LRP10: variants seen among roughly 807,000 people sequenced by gnomAD.
LRP10 encodes the protein LDL receptor related protein 10.
Under a neutral mutation model 58.5 loss-of-function variants are expected in LRP10, and 42 were observed. The observed-to-expected ratio is 0.72, with a 90% CI of 0.56 to 0.93. The LOEUF is 0.93. Ranked by LOEUF, LRP10 falls within the 40% of genes least tolerant of loss-of-function variation. The pLI is 0.00. For missense variants in LRP10, 872 were observed against 940.1 expected (o/e 0.93, Z 0.95); for synonymous variants, 377 against 388.5 (o/e 0.97, Z 0.35).
rs2039991930 is a variant in LRP10, at chr14:22,875,426, G to A, written c.478G>A (p.Asp160Asn). 1.9e-6 allele frequency: 3 copies of A among 1,614,084 alleles called. No homozygotes were observed. Among genetic ancestry groups the A allele is most frequent in the African/African-American group, 1.3e-5 (1 of 74,932 alleles). Reference protein sequence around the residue: ...HRCVSAVQRCDGVDACGDGSD... With the variant: ...HRCVSAVQRCNGVDACGDGSD... ...CTGTGTATCTGCTGTCCAGCGCTGTGATGGGGTTGATGCCTGTGGCGATGG... is the reference window on the plus strand; with the variant it reads ...CTGTGTATCTGCTGTCCAGCGCTGTAATGGGGTTGATGCCTGTGGCGATGG... Residue 160 changes from aspartate (D) to asparagine (N), a missense_variant, in exon 5 of 7, where the codon GAT (aspartate) becomes AAT (asparagine). Physicochemically the swap from Asp to Asn is conservative, Grantham distance 23. Coordinates refer to ENST00000359591, the MANE Select transcript of LRP10 (RefSeq NM_014045.5).
At position 22,876,713 on chromosome 14, in the gene LRP10, G is replaced by A; in HGVS notation, c.1449G>A (p.Met483Ile). The part of the protein sequence containing the change: ...EYSIFAPLSR[M>I]EAEIVQQQAP... ...GCATCTTTGCCCCCCTCTCCCGGAT[G>A]GAGGCTGAGATTGTGCAGCAGCAGG... The change falls in exon 6 of 7, where the codon ATG becomes ATA. Residue 483 changes from methionine to isoleucine, a missense_variant. Coordinates refer to ENST00000359591, the MANE Select transcript of LRP10 (RefSeq NM_014045.5). 1.2e-6 allele frequency: 2 copies of A among 1,613,928 alleles called. No homozygotes were observed. Among genetic ancestry groups the A allele is most frequent in the African/African-American group, 1.3e-5 (1 of 75,018 alleles).
chr14:22,874,982 G>A, intron 3 of LRP10, 73 bp from the exon 4 acceptor site: 3 of 1,158,746 alleles, frequency 2.6e-6, no homozygotes, highest in Non-Finnish European at 3.5e-6. Context: ...CAAGGGGCCT[G>A]GTGGCACCAG....
Position 22,877,650 on chromosome 14 carries a change from T to A in LRP10, c.*123T>A. ...TTCCCTGTCCCTGGATTTCAGGGAC[T>A]TGGTGGGCCTCCCGTTGACCCTATG... On this transcript the variant is annotated 3_prime_UTR_variant, in exon 7 of 7. Transcript: ENST00000359591. The surrounding 1 kb of genome is among the most constrained non-coding windows in gnomAD (Gnocchi z 5.1). 4 of 712,320 alleles carry A rather than the reference T, an allele frequency of 5.6e-6. No individual in the cohort carries two copies. The highest frequency in any genetic ancestry group is 9.0e-6 in the Non-Finnish European group (4 of 446,900). 44.1% of individuals were successfully genotyped at this position (712,320 alleles called of 1,614,324 possible).
Position 22,877,745 on chromosome 14 carries a change from TG to T in LRP10, c.*220del. 1 of 466,654 alleles carries T rather than the reference TG, an allele frequency of 2.1e-6. No individual in the cohort carries two copies. The highest frequency in any genetic ancestry group is 3.8e-6 in the Non-Finnish European group (1 of 265,222). The allele number at this position is 466,654 out of a possible 1,614,324, so 28.9% of individuals were successfully genotyped here. A position where few individuals can be genotyped will look rare whatever the true frequency, so the allele number is the denominator to read the frequency against. On this transcript the variant is annotated 3_prime_UTR_variant, in exon 7 of 7. Transcript: ENST00000359591. The surrounding 1 kb of genome is among the most constrained non-coding windows in gnomAD (Gnocchi z 5.1). The stretch of plus-strand genomic sequence containing the variant: ...ACAGAGTCTCCTCTGTACGTGGCCA[TG>T]GCCAGACACCCCAGTCCCTTCACCA...
rs559532464 is a variant in LRP10 at position 22,875,965 on chromosome 14, C to T, written c.1017C>T (p.Asp339=). The T allele has an allele frequency of 3.0e-5, 49 of 1,613,572 alleles. No homozygotes were observed. The highest frequency in any genetic ancestry group is 6.7e-5 in the Admixed American group (4 of 60,034). The change falls in exon 5 of 7, where the codon GAC becomes GAT. Residue 339 remains aspartate (D), a synonymous_variant. Coordinates refer to ENST00000359591, the MANE Select transcript of LRP10 (RefSeq NM_014045.5). ...ERCYSEAQRC[D]GSWDCADGTD... ...GCTACAGTGAGGCACAGCGCTGTGA[C>T]GGCTCATGGGACTGTGCTGACGGCA...
At position 22,872,789 on chromosome 14, in the gene LRP10, TGAG is replaced by T. The variant is rs1161317289; in HGVS notation, c.79+9_79+11del. ...ATTATTTTTCCAAATCATGGTGAGT[TGAG>T]GGAACCTCTGGGGCTCCGTGGGCTT... On this transcript the variant is annotated splice_region_variant and intron_variant, in intron 2 of 6. Transcript: ENST00000359591. 2.6e-5 allele frequency: 42 copies of T among 1,614,040 alleles called. No individual in the cohort carries two copies. The highest frequency in any genetic ancestry group is 3.5e-5 in the Non-Finnish European group (41 of 1,180,024).
Position 22,878,642 on chromosome 14 carries a change from T to C in LRP10, c.*1115T>C. On this transcript the variant is annotated 3_prime_UTR_variant, in exon 7 of 7. Coordinates refer to ENST00000359591, the MANE Select transcript of LRP10 (RefSeq NM_014045.5). ...CATCACCATGGCCAAATCCAAGAGG[T>C]CTTCCTGGAAGAGGGCCCAAACTGG... is the stretch of plus-strand genomic sequence containing the variant. The C allele has an allele frequency of 6.5e-6, 1 of 154,408 alleles. No individual in the cohort carries two copies. Among genetic ancestry groups the C allele is most frequent in the Admixed American group, 6.3e-5 (1 of 15,840 alleles). The allele number at this position is 154,408 out of a possible 1,614,324, so 9.6% of individuals were successfully genotyped here. A position where few individuals can be genotyped will look rare whatever the true frequency, so the allele number is the denominator to read the frequency against.
chr14:22,877,756 CCCA>C lies in LRP10; in HGVS notation c.*230_*232del. ...TCTGTACGTGGCCATGGCCAGACAC[CCCA>C]GTCCCTTCACCACCACCTGCTCCCC... On this transcript the variant is annotated 3_prime_UTR_variant, in exon 7 of 7. Transcript: ENST00000359591. This position sits in a 1 kb window ranked among gnomAD's most constrained non-coding sequence, Gnocchi z 5.1. 1.4e-5 allele frequency: 6 copies of C among 438,322 alleles called. No individual in the cohort carries two copies. The highest frequency in any genetic ancestry group is 3.6e-5 in the East Asian group (1 of 28,066). The allele number at this position is 438,322 out of a possible 1,614,324, so 27.2% of individuals were successfully genotyped here.
intron 1 of LRP10, 63 bp from the exon 2 acceptor site, chr14:22,872,675 A>G: frequency 6.5e-7 from 1 of 1,538,802 alleles, no homozygotes; most frequent in Non-Finnish European, 9.0e-7. Context: ...TGAGTTGCTC[A>G]GGTGAAGAAG....
At position 22,876,213 on chromosome 14, in the gene LRP10, C is replaced by T; in HGVS notation, c.1265C>T (p.Pro422Leu). The T allele has an allele frequency of 6.2e-7, 1 of 1,614,202 alleles. No individual in the cohort carries two copies. Among genetic ancestry groups the T allele is most frequent in the South Asian group, 1.1e-5 (1 of 91,092 alleles). The change falls in exon 5 of 7, where the codon CCA (proline) becomes CTA (leucine). Residue 422 changes from proline to leucine, a missense_variant. Coordinates refer to ENST00000359591, the MANE Select transcript of LRP10 (RefSeq NM_014045.5). ...GAGACGTGGGTGTGCGATGGGCAGC[C>T]AGACTGTGCGGACGGCAGTGATGAG... Reference protein sequence around the residue: ...VYETWVCDGQPDCADGSDEWD... With the variant: ...VYETWVCDGQLDCADGSDEWD...
chr14:22,873,294 T>C lies in LRP10; in HGVS notation c.80-17T>C. 1 of 1,608,538 alleles carries C rather than the reference T, an allele frequency of 6.2e-7. No homozygotes were observed. Among genetic ancestry groups the C allele is most frequent in the East Asian group, 2.2e-5 (1 of 44,660 alleles). Reference sequence around the variant, plus strand: ...AAGGGGCTGTCTACTACCCGTGTCCTACCTTCCTCTCTCCAGCTTGTGAGG... The same window carrying C: ...AAGGGGCTGTCTACTACCCGTGTCCCACCTTCCTCTCTCCAGCTTGTGAGG... On this transcript the variant is annotated splice_polypyrimidine_tract_variant and intron_variant, in intron 2 of 6. Transcript: ENST00000359591.
At position 22,877,049 on chromosome 14, in the gene LRP10, G is replaced by A. The variant is rs775710135; in HGVS notation, c.1664G>A (p.Arg555His). The A allele has an allele frequency of 3.1e-6, 5 of 1,613,718 alleles. No homozygotes were observed. Among genetic ancestry groups the A allele is most frequent in the South Asian group, 2.2e-5 (2 of 91,040 alleles). The change falls in exon 7 of 7, where the codon CGC (arginine) becomes CAC (histidine). Residue 555 changes from arginine (R) to histidine (H), a missense_variant. By Grantham distance (29) the Arg-to-His change is conservative. Transcript: ENST00000359591. This position sits in a 1 kb window ranked among gnomAD's most constrained non-coding sequence, Gnocchi z 5.1. Reference protein sequence around the residue: ...RRRQRGRLMRRLVRRLRRWGL... With the variant: ...RRRQRGRLMRHLVRRLRRWGL... Reference sequence around the variant, plus strand: ...CGTCAGCGGGGCCGCTTGATGCGACGCCTGGTACGCCGTCTCCGCCGCTGG... The same window carrying A: ...CGTCAGCGGGGCCGCTTGATGCGACACCTGGTACGCCGTCTCCGCCGCTGG...
chr14:22,875,954 CA>C lies in LRP10; in HGVS notation c.1007del (p.Gln336ArgfsTer115). The C allele has an allele frequency of 6.2e-7, 1 of 1,613,678 alleles. No homozygotes were observed. Among genetic ancestry groups the C allele is most frequent in the Non-Finnish European group, 8.5e-7 (1 of 1,180,036 alleles). ...GLGERCYSEA[Q>X]RCDGSWDCAD... ...AGGTGAGCGCTGCTACAGTGAGGCA[CA>C]GCGCTGTGACGGCTCATGGGACTGT... On this transcript the variant is annotated frameshift_variant, in exon 5 of 7. Transcript: ENST00000359591. LOFTEE classifies it high-confidence loss of function.
Position 22,871,890 on chromosome 14 carries a change from G to T in LRP10, c.-414G>T. On this transcript the variant is annotated 5_prime_UTR_variant, in exon 1 of 7. Coordinates refer to ENST00000359591, the MANE Select transcript of LRP10 (RefSeq NM_014045.5). ...TGGAGGAGTGGAGCAGCACCCGGCC[G>T]GCCCTGGGGGCTGACAGTCGGCAAA... 4.0e-6 allele frequency: 1 copy of T among 250,628 alleles called. No individual in the cohort carries two copies. The highest frequency in any genetic ancestry group is 7.8e-6 in the Non-Finnish European group (1 of 127,682). The allele number at this position is 250,628 out of a possible 1,614,324, so 15.5% of individuals were successfully genotyped here.
chr14:22,874,998 G>C (rs2039986788), intron 3 of LRP10, 57 bp from the exon 4 acceptor site: 1 of 1,330,682 alleles, frequency 7.5e-7, no homozygotes, highest in Non-Finnish European at 1.0e-6. Flanking sequence ...ACCAGGGGAG[G>C]AGAAAGCCAG....
At position 22,875,466 on chromosome 14, in the gene LRP10, G is replaced by A. The variant is rs749078328; in HGVS notation, c.518G>A (p.Gly173Asp). Residue 173 changes from glycine (G) to aspartate (D), a missense_variant, in exon 5 of 7, where the codon GGT (glycine) becomes GAT (aspartate). Physicochemically the swap from Gly to Asp is moderately conservative, Grantham distance 94 (BLOSUM62 -1). Coordinates refer to ENST00000359591, the MANE Select transcript of LRP10 (RefSeq NM_014045.5). ...DACGDGSDEA[G>D]CSSDPFPGLT... is the part of the protein sequence containing the mutation. ...TGTGGCGATGGCTCTGATGAAGCAG[G>A]TTGCAGCTCAGACCCCTTCCCTGGC... The A allele has an allele frequency of 6.2e-7, 1 of 1,614,216 alleles. No individual in the cohort carries two copies. The highest frequency in any genetic ancestry group is 8.5e-7 in the Non-Finnish European group (1 of 1,180,032).
chr14:22,876,030 T>TCCC lies in LRP10; in HGVS notation c.1084_1086dup (p.Pro362dup). 6.2e-7 allele frequency: 1 copy of TCCC among 1,613,260 alleles called. No individual in the cohort carries two copies. Among genetic ancestry groups the TCCC allele is most frequent in the Non-Finnish European group, 8.5e-7 (1 of 1,179,914 alleles). On this transcript the variant is annotated inframe_insertion, in exon 5 of 7. Transcript: ENST00000359591. ...TGCCCAGGCTGCCCACCTGGACACT[T>TCCC]CCCCTGTGGGGCTGCTGGCACCTCT...
chr14:22,877,588 C>A lies in LRP10; in HGVS notation c.*61C>A. On this transcript the variant is annotated 3_prime_UTR_variant, in exon 7 of 7. Coordinates refer to ENST00000359591, the MANE Select transcript of LRP10 (RefSeq NM_014045.5). The surrounding 1 kb of genome is among the most constrained non-coding windows in gnomAD (Gnocchi z 5.1). ...GGGGCTCTACTCATAGTGGCACAAC[C>A]TTTTAGAGGTGGGTCAGCCTCCCCT... is the stretch of plus-strand genomic sequence containing the variant. 1 of 1,322,706 alleles carries A rather than the reference C, an allele frequency of 7.6e-7. No individual in the cohort carries two copies. Among genetic ancestry groups the A allele is most frequent in the Non-Finnish European group, 1.0e-6 (1 of 992,500 alleles). 81.9% of individuals were successfully genotyped at this position (1,322,706 alleles called of 1,614,324 possible).
At position 22,877,705 on chromosome 14, in the gene LRP10, G is replaced by T; in HGVS notation, c.*178G>T. The stretch of plus-strand genomic sequence containing the variant: ...TGCTATAAAGTTAAGTGTCCCTCAG[G>T]CAGGGAGAGGGCTCACAGAGTCTCC... On this transcript the variant is annotated 3_prime_UTR_variant, in exon 7 of 7. Coordinates refer to ENST00000359591, the MANE Select transcript of LRP10 (RefSeq NM_014045.5). This position sits in a 1 kb window ranked among gnomAD's most constrained non-coding sequence, Gnocchi z 5.1. 1.8e-6 allele frequency: 1 copy of T among 553,378 alleles called. No individual in the cohort carries two copies. The highest frequency in any genetic ancestry group is 3.0e-5 in the East Asian group (1 of 33,106). The allele number at this position is 553,378 out of a possible 1,614,324, so 34.3% of individuals were successfully genotyped here.
Sources: gnomAD v4.1 joint callset for allele counts on GRCh38, gnomAD v4.1.1 for gene constraint, Gnocchi (gnomAD v3.1) non-coding constraint, MANE v1.5 for transcripts, NCBI Gene and HGNC (gene_info 2026-07-23, HGNC 2026-07-21) for gene names.